Variants in ITGBL1 observed in about 807,000 individuals in gnomAD.
The protein encoded by ITGBL1 is integrin subunit beta like 1, also known as integrin beta-like protein 1.
A neutral mutation model predicts 68.5 loss-of-function variants in ITGBL1; 51 were observed. The ratio of observed to expected loss-of-function variants is 0.74; its 90% CI spans 0.59 to 0.94. The LOEUF is 0.94. Ranked by LOEUF, ITGBL1 falls within the 40% of genes least tolerant of loss-of-function variation. The pLI is 0.00. For missense variants in ITGBL1, 649 were observed against 647.4 expected, an observed-to-expected ratio of 1.00 and a Z score of -0.03; for synonymous variants, 209 against 227.3, an observed-to-expected ratio of 0.92 and a Z score of 0.72.
chr13:101,529,842 T>C (rs2049442783), intron 2 of ITGBL1, among the ~76,000 whole-genome samples: 1 of 152,158 alleles, frequency 6.6e-6, no homozygotes, highest in African/African-American at 2.4e-5. Flanking sequence ...GAACTGTGAG[T>C]CAATTAAACC....
downstream of ITGBL1, chr13:101,717,922 G>C (rs2034787895): frequency 2.0e-5 from 3 of 152,090 alleles, no homozygotes; most frequent in South Asian, 6.2e-4. Flanking sequence ...CAACAAAAGT[G>C]CTGCTCTTTT....
chr13:101,538,783 T>C (rs1330810296), intron 2 of ITGBL1, among the ~76,000 whole-genome samples: 1 of 152,198 alleles, frequency 6.6e-6, no homozygotes, highest in Non-Finnish European at 1.5e-5. Flanking sequence ...AGAGCAGAGA[T>C]AAGTTCTTTT....
intron 7 of ITGBL1, among the ~76,000 whole-genome samples, chr13:101,668,899 CAT>C (rs1303038941): frequency 1.3e-5 from 2 of 151,916 alleles, no homozygotes; most frequent in African/African-American, 2.4e-5. Context: ...AAAATTATAT[CAT>C]GTTTCACATT....
intron 7 of ITGBL1, among the ~76,000 whole-genome samples, chr13:101,607,120 G>A (rs1396410178): frequency 1.3e-5 from 2 of 151,910 alleles, no homozygotes; most frequent in East Asian, 1.9e-4. Context: ...TCTGTCAACA[G>A]CATTTATGTG....
intron 2 of ITGBL1, among the ~76,000 whole-genome samples, chr13:101,495,819 G>T (rs1404433181): frequency 6.6e-6 from 1 of 152,020 alleles, no homozygotes; most frequent in Non-Finnish European, 1.5e-5. Context: ...ATTTGTGTAG[G>T]TGTATTTACA....
At chr13:101,693,729 A>G (rs2033937213) in intron 8 of ITGBL1, among the ~76,000 whole-genome samples, 1 of 152,092 alleles carries the variant, frequency 6.6e-6, no homozygotes, top group African/African-American at 2.4e-5. Context: ...TTCTCTCTCT[A>G]ACCAACGATA....
chr13:101,650,838 G>A (rs2032727274), intron 7 of ITGBL1, among the ~76,000 whole-genome samples: 1 of 151,882 alleles, frequency 6.6e-6, no homozygotes, highest in African/African-American at 2.4e-5. Flanking sequence ...CTCCCCCACA[G>A]CCCACTGATA....
At chr13:101,652,121 G>A (rs559715274) in intron 7 of ITGBL1, among the ~76,000 whole-genome samples, 1 of 152,078 alleles carries the variant, frequency 6.6e-6, no homozygotes, top group South Asian at 2.1e-4. Context: ...TTAGAGACAG[G>A]ATCTCACTCT....
chr13:101,514,183 G>T (rs1594858121), intron 2 of ITGBL1, among the ~76,000 whole-genome samples: 1 of 152,110 alleles, frequency 6.6e-6, no homozygotes, highest in Non-Finnish European at 1.5e-5. Flanking sequence ...TTCTTGCATT[G>T]TATGAAGAAG....
chr13:101,574,633 A>G (rs1473301395), intron 3 of ITGBL1, among the ~76,000 whole-genome samples: 1 of 152,120 alleles, frequency 6.6e-6, no homozygotes, highest in Non-Finnish European at 1.5e-5. Context: ...TAAAACTCAA[A>G]ATAGATAAAT....
chr13:101,672,543 T>C (rs1595164), intron 7 of ITGBL1, among the ~76,000 whole-genome samples: 94,732 of 151,968 alleles, frequency 0.62, 30,120 homozygotes, highest in East Asian at 0.88. Flanking sequence ...AAGTGGAAAG[T>C]CCATTTGCAT....
intron 6 of ITGBL1, among the ~76,000 whole-genome samples, chr13:101,586,054 C>T (rs1036640661): frequency 2.0e-5 from 3 of 152,072 alleles, no homozygotes; most frequent in Admixed American, 1.3e-4. Context: ...ACACTTCAAT[C>T]CTCGTGTAAG....
intron 7 of ITGBL1, among the ~76,000 whole-genome samples, chr13:101,635,840 C>G (rs2032154275): frequency 6.6e-6 from 1 of 151,934 alleles, no homozygotes; most frequent in African/African-American, 2.4e-5. Context: ...TGAATAAAAT[C>G]CAGATCAAAA....
intron 7 of ITGBL1, among the ~76,000 whole-genome samples, chr13:101,633,692 G>C (rs2032068195): frequency 6.6e-6 from 1 of 152,202 alleles, no homozygotes; most frequent in South Asian, 2.1e-4. Context: ...TACGTGAAGA[G>C]TTGCAGCTGA....
At chr13:101,717,008 T>TAAAA (rs892754445), downstream of ITGBL1, 1 of 147,418 alleles carries the variant, frequency 6.8e-6, no homozygotes, top group Non-Finnish European at 1.5e-5. Context: ...TATTTAGAGC[T>TAAAA]AAAAAAAAAA....
At chr13:101,560,620 T>TA (rs1454307278) in intron 2 of ITGBL1, among the ~76,000 whole-genome samples, 5 of 151,668 alleles carry the variant, frequency 3.3e-5, no homozygotes, top group African/African-American at 4.9e-5. Context: ...TTAAGTTAAA[T>TA]AATTTATATA....
chr13:101,526,721 C>A (rs985990451), intron 2 of ITGBL1, among the ~76,000 whole-genome samples: 2 of 150,506 alleles, frequency 1.3e-5, no homozygotes, highest in African/African-American at 2.5e-5. Flanking sequence ...CTTTAGCACC[C>A]AAATTAAACA....
intron 2 of ITGBL1, among the ~76,000 whole-genome samples, chr13:101,519,169 G>C (rs1310229680): frequency 6.6e-6 from 1 of 152,000 alleles, no homozygotes; most frequent in East Asian, 1.9e-4. Flanking sequence ...AAACCTTTTT[G>C]GGGGTGATGT....
intron 2 of ITGBL1, among the ~76,000 whole-genome samples, chr13:101,459,729 G>A (rs975881314): frequency 6.6e-6 from 1 of 151,974 alleles, no homozygotes. Flanking sequence ...AACAGAGGGA[G>A]GCCCTGTTTC....
Sources: allele counts gnomAD v4.1 joint callset (sites outside exome capture counted in the v4.1 genomes callset), GRCh38; gene constraint gnomAD v4.1.1; transcripts MANE v1.5; gene names NCBI Gene and HGNC (gene_info 2026-07-23, HGNC 2026-07-21).